The following LGR5 variants were observed in gnomAD, a reference collection of about 807,000 sequenced individuals.
The protein encoded by LGR5 is leucine-rich repeat-containing G protein-coupled receptor 5.
In LGR5, 54 loss-of-function variants were observed where a neutral mutation model predicts 76.7. That is an observed-to-expected ratio of 0.70 (90% CI 0.57 to 0.88). LGR5 has a LOEUF of 0.88. Among genes scored for constraint, LGR5 ranks in the 40% least tolerant of loss-of-function variants. The pLI, the probability that LGR5 is intolerant of heterozygous loss-of-function variation, is 0.00. For synonymous variants in LGR5, 406 were observed against 421.9 expected, an observed-to-expected ratio of 0.96 and a Z score of 0.46; for missense variants, 1,078 against 1,073.3, an observed-to-expected ratio of 1.00 and a Z score of -0.06.
In LGR5 at chr12:71,571,193, A is replaced by T. The variant is rs575067198; in HGVS notation, c.1071-321A>T. 14 of 176,286 alleles carry T rather than the reference A, an allele frequency of 7.9e-5. No homozygotes were observed. In the South Asian group the frequency reaches 2.3e-3, roughly 29 times the overall value. 10.9% of individuals were successfully genotyped at this position (176,286 alleles called of 1,614,324 possible). Reference sequence around the variant, plus strand: ...TAGCAGCTCTTAGAGACAGAGGCACAATTATTTAATTTAATTTGTTCTCAT... The same window carrying T: ...TAGCAGCTCTTAGAGACAGAGGCACTATTATTTAATTTAATTTGTTCTCAT... On this transcript the variant is annotated intron_variant, in intron 11 of 17. Coordinates refer to ENST00000266674, the MANE Select transcript of LGR5 (RefSeq NM_003667.4).
chr12:71,465,999 TAG>T (rs1339833050), intron 1 of LGR5, among the ~76,000 whole-genome samples: 1 of 152,170 alleles, frequency 6.6e-6, no homozygotes. Context: ...TAGAACTCAA[TAG>T]AATGAGATAA....
At chr12:71,484,142 G>A (rs112752468) in intron 1 of LGR5, among the ~76,000 whole-genome samples, 4,632 of 152,266 alleles carry the variant, frequency 0.03, 107 homozygotes, top group Non-Finnish European at 0.049. Flanking sequence ...AATTTCTTGT[G>A]CTTATTGATG....
intron 12 of LGR5, 96 bp downstream of exon 12, chr12:71,571,675 G>A (rs1878617647): frequency 1.2e-6 from 1 of 835,534 alleles, no homozygotes; most frequent in Non-Finnish European, 2.0e-6. Context: ...GGTTCACTGG[G>A]GAGACATGTG....
At chr12:71,449,950 G>A (rs1872181641) in intron 1 of LGR5, among the ~76,000 whole-genome samples, 1 of 152,092 alleles carries the variant, frequency 6.6e-6, no homozygotes, top group South Asian at 2.1e-4. Flanking sequence ...CAAATAAACA[G>A]AATTAAAATC....
intron 1 of LGR5, among the ~76,000 whole-genome samples, chr12:71,463,473 C>T (rs919396868): frequency 2.0e-5 from 3 of 152,040 alleles, no homozygotes; most frequent in Non-Finnish European, 4.4e-5. Context: ...CTCTAAACCT[C>T]AGTGTCCACA....
intron 1 of LGR5, among the ~76,000 whole-genome samples, chr12:71,444,592 A>T (rs1871903402): frequency 6.6e-6 from 1 of 152,104 alleles, no homozygotes; most frequent in South Asian, 2.1e-4. Flanking sequence ...CATTTTCCTC[A>T]AAGTAAAGGA....
At chr12:71,518,391 C>T (rs907292072) in intron 2 of LGR5, among the ~76,000 whole-genome samples, 2 of 152,182 alleles carry the variant, frequency 1.3e-5, no homozygotes, top group Non-Finnish European at 2.9e-5. Context: ...AATGCTTATA[C>T]ACAGTTGGTG....
At chr12:71,551,488 T>C (rs1408145372) in intron 4 of LGR5, among the ~76,000 whole-genome samples, 2 of 152,186 alleles carry the variant, frequency 1.3e-5, no homozygotes, top group African/African-American at 2.4e-5. Flanking sequence ...AAAATACAAC[T>C]CTTCTTTTTT....
At chr12:71,581,888 A>G (rs1292420151) in intron 16 of LGR5, among the ~76,000 whole-genome samples, 1 of 152,248 alleles carries the variant, frequency 6.6e-6, no homozygotes, top group Non-Finnish European at 1.5e-5. Context: ...CCCAATTCCC[A>G]CATGAGACCA....
chr12:71,509,342 C>A (rs1037344287), intron 2 of LGR5, among the ~76,000 whole-genome samples: 2 of 152,030 alleles, frequency 1.3e-5, no homozygotes, highest in African/African-American at 4.8e-5. Context: ...GATTTTAACC[C>A]CCTCTTTTCT....
chr12:71,444,975 G>C (rs929131220), intron 1 of LGR5, among the ~76,000 whole-genome samples: 33 of 151,922 alleles, frequency 2.2e-4, no homozygotes, highest in Non-Finnish European at 1.9e-4. Flanking sequence ...CAAATTCATG[G>C]ATTTAAGTCA....
At chr12:71,582,870 C>T (rs1879151231) in intron 17 of LGR5, among the ~76,000 whole-genome samples, 1 of 151,472 alleles carries the variant, frequency 6.6e-6, no homozygotes, top group African/African-American at 2.4e-5. Context: ...TAATCACCGA[C>T]ATTTGAAAGT....
chr12:71,490,217 C>T (rs1874009202), intron 1 of LGR5, among the ~76,000 whole-genome samples: 1 of 151,788 alleles, frequency 6.6e-6, no homozygotes, highest in Non-Finnish European at 1.5e-5. Context: ...TATAATGTTG[C>T]AGGTTGTGCT....
chr12:71,556,971 A>G (rs1433952570), intron 6 of LGR5, among the ~76,000 whole-genome samples: 1 of 152,242 alleles, frequency 6.6e-6, no homozygotes, highest in Non-Finnish European at 1.5e-5. Flanking sequence ...AGAAATGTGT[A>G]GTCTCTGTCA....
At chr12:71,474,925 G>A (rs1388779937) in intron 1 of LGR5, among the ~76,000 whole-genome samples, 1 of 152,190 alleles carries the variant, frequency 6.6e-6, no homozygotes, top group Non-Finnish European at 1.5e-5. Flanking sequence ...GGGGTGTACA[G>A]ATGCAGAAGA....
chr12:71,502,058 A>G (rs1592495042), intron 1 of LGR5, among the ~76,000 whole-genome samples: 1 of 152,196 alleles, frequency 6.6e-6, no homozygotes, highest in Non-Finnish European at 1.5e-5. Flanking sequence ...TTAAAAGAAA[A>G]CAGCCTGTAT....
intron 4 of LGR5, among the ~76,000 whole-genome samples, chr12:71,544,878 G>A (rs899472387): frequency 7.2e-5 from 11 of 152,190 alleles, no homozygotes; most frequent in African/African-American, 2.7e-4. Context: ...CTATATTGCT[G>A]TGGTTTTTTG....
intron 11 of LGR5, among the ~76,000 whole-genome samples, chr12:71,570,073 T>G (rs558872520): frequency 2.2e-4 from 33 of 151,832 alleles, no homozygotes; most frequent in Non-Finnish European, 3.7e-4. Flanking sequence ...AACCAAACAT[T>G]GCAAGTTCTC....
intron 1 of LGR5, among the ~76,000 whole-genome samples, chr12:71,478,333 T>C (rs1191619259): frequency 2.0e-5 from 3 of 152,226 alleles, no homozygotes; most frequent in African/African-American, 7.2e-5. Context: ...TGACCAACTT[T>C]ATGCTTTTGG....
Sources: gnomAD v4.1 joint callset for allele counts (sites outside exome capture counted in the v4.1 genomes callset) on GRCh38, gnomAD v4.1.1 for gene constraint, MANE v1.5 for transcripts, NCBI Gene and HGNC (gene_info 2026-07-23, HGNC 2026-07-21) for gene names.